The following SNX29 variants were observed in gnomAD, a reference collection of about 807,000 sequenced individuals.
The protein encoded by SNX29 is sorting nexin 29, also known as sorting nexin-29.
Under a neutral mutation model 102.1 loss-of-function variants are expected in SNX29, and 78 were observed. The observed-to-expected ratio is 0.76, with a 90% confidence interval of 0.64 to 0.92. The LOEUF (loss-of-function observed/expected upper bound fraction) is 0.92. SNX29 is among the 40% of genes least tolerant of loss of function. The pLI is 0.00. For missense variants in SNX29, 1,280 were observed against 1,061.7 expected, an observed-to-expected ratio of 1.21 and a Z score of -2.86; for synonymous variants, 580 against 414.5, an observed-to-expected ratio of 1.40 and a Z score of -4.85.
At chr16:12,275,033 G>A (rs1215494591) in intron 14 of SNX29, among the ~76,000 whole-genome samples, 1 of 151,998 alleles carries the variant, frequency 6.6e-6, no homozygotes, top group African/African-American at 2.4e-5. Context: ...GTTTATTCCT[G>A]TCTCAGTCTT....
intron 11 of SNX29, among the ~76,000 whole-genome samples, chr16:12,103,009 C>A (rs2053085672): frequency 6.6e-6 from 1 of 152,090 alleles, no homozygotes; most frequent in African/African-American, 2.4e-5. Context: ...ATGTGAAGGA[C>A]CTCTTCAAGG....
At chr16:12,335,850 G>A (rs762391069) in intron 15 of SNX29, among the ~76,000 whole-genome samples, 3 of 152,218 alleles carry the variant, frequency 2.0e-5, no homozygotes, top group East Asian at 1.9e-4. Context: ...TAATGAGGAC[G>A]CCAAGGCCCA....
rs943419013 is a variant in SNX29, at chr16:12,574,052, C to A, written c.*5423C>A. On this transcript the variant is annotated 3_prime_UTR_variant, in exon 21 of 21. Coordinates refer to ENST00000566228, the MANE Select transcript of SNX29 (RefSeq NM_032167.5). Reference sequence around the variant, plus strand: ...TCTAGAGTCTGATAGTCTGTGTGTACATAAGGTCTAGAAGTCTGTGGAAAC... The same window carrying A: ...TCTAGAGTCTGATAGTCTGTGTGTAAATAAGGTCTAGAAGTCTGTGGAAAC... 4 of 193,382 alleles carry A rather than the reference C, an allele frequency of 2.1e-5. No homozygotes were observed. Among genetic ancestry groups the A allele is most frequent in the African/African-American group, 9.3e-5 (4 of 43,108 alleles). 12.0% of individuals were successfully genotyped at this position (193,382 alleles called of 1,614,324 possible).
chr16:12,531,379 A>G (rs1271577826), intron 20 of SNX29, among the ~76,000 whole-genome samples: 2 of 152,124 alleles, frequency 1.3e-5, no homozygotes, highest in Admixed American at 6.5e-5. Context: ...TAGTGGATGG[A>G]TTGGGCGATG....
intron 14 of SNX29, among the ~76,000 whole-genome samples, chr16:12,224,941 G>A (rs1293226375): frequency 6.6e-6 from 1 of 152,178 alleles, no homozygotes; most frequent in African/African-American, 2.4e-5. Flanking sequence ...TCCCATCAAA[G>A]GGTGAAGACT....
At chr16:12,300,249 A>G (rs1048060482) in intron 15 of SNX29, among the ~76,000 whole-genome samples, 6 of 152,140 alleles carry the variant, frequency 3.9e-5, no homozygotes, top group Non-Finnish European at 5.9e-5. Flanking sequence ...TTTAATTTGC[A>G]TTTCTCTAAT....
intron 16 of SNX29, among the ~76,000 whole-genome samples, chr16:12,385,317 A>G (rs1174247752): frequency 1.3e-5 from 2 of 152,242 alleles, no homozygotes; most frequent in Non-Finnish European, 2.9e-5. Flanking sequence ...GTGGAAGGAA[A>G]GAACCCGGAA....
At chr16:12,350,500 C>G (rs2081963062) in intron 15 of SNX29, among the ~76,000 whole-genome samples, 1 of 152,142 alleles carries the variant, frequency 6.6e-6, no homozygotes. Context: ...CAATCCGCCA[C>G]CCATACCGAG....
intron 14 of SNX29, among the ~76,000 whole-genome samples, chr16:12,209,714 C>G (rs2077134067): frequency 6.6e-6 from 1 of 152,354 alleles, no homozygotes; most frequent in Middle Eastern, 3.4e-3. Flanking sequence ...CCCCAACTGT[C>G]TGCTGCTCAG....
intron 14 of SNX29, among the ~76,000 whole-genome samples, chr16:12,240,595 T>C (rs1011562994): frequency 6.0e-5 from 7 of 117,606 alleles, no homozygotes; most frequent in African/African-American, 2.4e-4. Context: ...CTTTTTTTTT[T>C]TTTTTTTTTT....
At chr16:12,552,836 C>T (rs562751216) in intron 20 of SNX29, among the ~76,000 whole-genome samples, 2 of 152,258 alleles carry the variant, frequency 1.3e-5, no homozygotes, top group East Asian at 1.9e-4. Context: ...ACCTGACCTG[C>T]CAGAGAGGAG....
chr16:12,297,749 G>C (rs1441684938), intron 15 of SNX29, among the ~76,000 whole-genome samples: 1 of 152,144 alleles, frequency 6.6e-6, no homozygotes, highest in Non-Finnish European at 1.5e-5. Flanking sequence ...AAAGCTGGGG[G>C]AAATGTGAGC....
intron 7 of SNX29, among the ~76,000 whole-genome samples, chr16:12,050,415 C>T (rs189652529): frequency 6.6e-5 from 10 of 152,274 alleles, no homozygotes; most frequent in Admixed American, 2.6e-4. Flanking sequence ...AAAAATGTAG[C>T]GGCTTAAAAC....
chr16:12,334,839 C>A (rs1055711443), intron 15 of SNX29, among the ~76,000 whole-genome samples: 1 of 151,066 alleles, frequency 6.6e-6, no homozygotes, highest in African/African-American at 2.4e-5. Context: ...ATTATTTTAC[C>A]TGCCTGGTCC....
chr16:12,426,267 C>T (rs759609597), intron 18 of SNX29, among the ~76,000 whole-genome samples: 1 of 152,244 alleles, frequency 6.6e-6, no homozygotes, highest in African/African-American at 2.4e-5. Flanking sequence ...GGCCTGTGCT[C>T]ACGCTGTCTC....
Position 12,403,232 on chromosome 16 carries a change from GTGTGTGTGTGTGTGTGTGTGTGT to G in SNX29, c.1956-215_1956-193del, listed in dbSNP as rs1322521523. On this transcript the variant is annotated intron_variant, in intron 17 of 20. Transcript: ENST00000566228. ...TGTGTGTGTGTGTGTGTGTGTGTGTGTGTGTGTGTGTGTGTGTGTGTGTAGAGAGAGACAGACTGAGTGATGAC... is the reference window on the plus strand; with the variant it reads ...TGTGTGTGTGTGTGTGTGTGTGTGTGAGAGAGAGACAGACTGAGTGATGAC... 5.0e-3 allele frequency among the ~76,000 whole-genome samples: 752 copies of G among 150,610 alleles called. 4 individuals carry two copies. The highest frequency in any genetic ancestry group is 0.017 in the Middle Eastern group (5 of 294).
At chr16:12,505,737 A>G (rs1208327964) in intron 19 of SNX29, among the ~76,000 whole-genome samples, 1 of 101,622 alleles carries the variant, frequency 9.8e-6, no homozygotes, top group Non-Finnish European at 1.8e-5. Context: ...TTTTATATGA[A>G]TTTTTGGATC....
chr16:12,076,319 T>C (rs977450957), intron 10 of SNX29, among the ~76,000 whole-genome samples: 1 of 151,624 alleles, frequency 6.6e-6, no homozygotes, highest in Non-Finnish European at 1.5e-5. Flanking sequence ...TTTTTTTTTT[T>C]TGAGACAGTC....
rs377436773 is a variant in SNX29 at position 12,098,164 on chromosome 16, C to G, written c.1402+19249C>G. On this transcript the variant is annotated intron_variant, in intron 11 of 20. Coordinates refer to ENST00000566228, the MANE Select transcript of SNX29 (RefSeq NM_032167.5). The surrounding 1 kb of genome is among the most constrained non-coding windows in gnomAD (Gnocchi z 6.0). ...TTGGTTGCAGCCCAGCAGTTCTAAC[C>G]CTTCCCCTGCCCCCTCCTTCAACTC... Among the ~76,000 whole-genome samples, 16 of 152,336 alleles carry G rather than the reference C, an allele frequency of 1.1e-4. No homozygotes were observed. The highest frequency in any genetic ancestry group is 3.8e-4 in the African/African-American group (16 of 41,572).
Sources: gnomAD v4.1 joint callset for allele counts (sites outside exome capture counted in the v4.1 genomes callset) on GRCh38, gnomAD v4.1.1 for gene constraint, Gnocchi (gnomAD v3.1) non-coding constraint, MANE v1.5 for transcripts, NCBI Gene and HGNC (gene_info 2026-07-23, HGNC 2026-07-21) for gene names.